Variants in RIC1 observed in about 807,000 individuals in gnomAD.
RIC1 encodes RIC1 partner of RAB6A GEF complex.
Under a neutral mutation model 169.0 loss-of-function variants are expected in RIC1, and 88 were observed. The ratio of observed to expected loss-of-function variants is 0.52; its 90% confidence interval spans 0.44 to 0.62. RIC1 has a LOEUF of 0.62. Among genes scored for constraint, RIC1 ranks in the 20% least tolerant of loss-of-function variants. The pLI is 0.00. For missense variants in RIC1, 1,877 were observed against 1,725.5 expected, an observed-to-expected ratio of 1.09 and a Z score of -1.56; for synonymous variants, 790 against 601.5, an observed-to-expected ratio of 1.31 and a Z score of -4.59.
intron 2 of RIC1, among the ~76,000 whole-genome samples, chr9:5,669,376 G>T: frequency 6.6e-6 from 1 of 152,214 alleles, no homozygotes. Context: ...GAGTGAGAAC[G>T]TAGGATGTTT....
At chr9:5,635,580 A>G (rs1335939236) in intron 1 of RIC1, among the ~76,000 whole-genome samples, 2 of 152,164 alleles carry the variant, frequency 1.3e-5, no homozygotes, top group Non-Finnish European at 2.9e-5. Flanking sequence ...TTTGATTACT[A>G]TAGCTTTGTA....
intron 2 of RIC1, among the ~76,000 whole-genome samples, chr9:5,684,928 G>T (rs1821119330): frequency 6.6e-6 from 1 of 151,806 alleles, no homozygotes; most frequent in Admixed American, 6.6e-5. Context: ...GACTGTCATG[G>T]TTTTCCTTTT....
rs1826414243 is a variant in RIC1 at position 5,762,580 on chromosome 9, C to CAGCT, written c.2033_2036dup (p.Ile680AlafsTer19). ...GAGCATTATGTTAAACCTGGCAGGA[C>CAGCT]AGCTCATCATGATGCAGAGGGACAG... On this transcript the variant is annotated frameshift_variant, in exon 18 of 26. Transcript: ENST00000414202. LOFTEE classifies it high-confidence loss of function. The CAGCT allele has an allele frequency of 6.2e-7, 1 of 1,613,860 alleles. No homozygotes were observed. Among genetic ancestry groups the CAGCT allele is most frequent in the South Asian group, 1.1e-5 (1 of 91,080 alleles).
At chr9:5,742,722 C>G in intron 8 of RIC1, 147 bp from the exon 9 acceptor site, 1 of 720,886 alleles carries the variant, frequency 1.4e-6, no homozygotes, top group Non-Finnish European at 2.2e-6. Flanking sequence ...TTAAGTAGTC[C>G]TAAATGACCA....
chr9:5,699,847 A>T (rs1018800715), intron 3 of RIC1, among the ~76,000 whole-genome samples: 4 of 152,188 alleles, frequency 2.6e-5, no homozygotes, highest in Admixed American at 6.5e-5. Context: ...ACTTTAAAGC[A>T]TATCTGAAAG....
chr9:5,754,973 A>C (rs761643582), intron 15 of RIC1, 43 bp downstream of exon 15: 3 of 1,244,570 alleles, frequency 2.4e-6, no homozygotes, highest in Non-Finnish European at 3.4e-6. Flanking sequence ...TATATTTTAA[A>C]GCTATTAAGC....
intron 6 of RIC1, among the ~76,000 whole-genome samples, chr9:5,727,903 A>G (rs955888055): frequency 2.0e-5 from 3 of 152,174 alleles, no homozygotes; most frequent in African/African-American, 7.2e-5. Flanking sequence ...TTCTTCTGGA[A>G]GGTTCATCTT....
At position 5,774,338 on chromosome 9, in the gene RIC1, C is replaced by G. The variant is rs1827457875; in HGVS notation, c.*92C>G. On this transcript the variant is annotated 3_prime_UTR_variant, in exon 26 of 26. Coordinates refer to ENST00000414202, the MANE Select transcript of RIC1 (RefSeq NM_020829.4). ...ATAGTTGGATGATTTAACAGGAGAA[C>G]TCAGTTCAGAGACTCTTCGGTAAGT... The G allele has an allele frequency of 6.1e-6, 7 of 1,140,414 alleles. No homozygotes were observed. The highest frequency in any genetic ancestry group is 1.5e-5 in the African/African-American group (1 of 65,298). The allele number at this position is 1,140,414 out of a possible 1,614,324, so 70.6% of individuals were successfully genotyped here.
chr9:5,750,784 C>T (rs373696967), intron 12 of RIC1, among the ~76,000 whole-genome samples: 1 of 151,574 alleles, frequency 6.6e-6, no homozygotes, highest in Non-Finnish European at 1.5e-5. Context: ...CACTGATCAG[C>T]TGCCTCTTCC....
chr9:5,743,644 T>C (rs751889854), intron 9 of RIC1, 45 bp from the exon 10 acceptor site: 1 of 1,440,852 alleles, frequency 6.9e-7, no homozygotes. Context: ...GTGTATTATA[T>C]GTAATTGGAA....
At chr9:5,655,482 G>A (rs942871068) in intron 1 of RIC1, among the ~76,000 whole-genome samples, 5 of 152,110 alleles carry the variant, frequency 3.3e-5, no homozygotes, top group South Asian at 4.2e-4. Context: ...TGTATTTTTA[G>A]TAGAGATGGG....
intron 2 of RIC1, among the ~76,000 whole-genome samples, chr9:5,657,562 A>G (rs1029152855): frequency 6.6e-6 from 1 of 152,134 alleles, no homozygotes; most frequent in Non-Finnish European, 1.5e-5. Flanking sequence ...CGTAGTGTAT[A>G]TTAGAGAGAT....
chr9:5,756,460 C>G, intron 16 of RIC1, 88 bp downstream of exon 16: 3 of 861,868 alleles, frequency 3.5e-6, no homozygotes, highest in African/African-American at 1.7e-5. Flanking sequence ...AACAGTTATT[C>G]CACTTTTATA....
At chr9:5,700,753 G>A (rs1021578532) in intron 3 of RIC1, among the ~76,000 whole-genome samples, 1 of 152,164 alleles carries the variant, frequency 6.6e-6, no homozygotes, top group African/African-American at 2.4e-5. Flanking sequence ...AACAAAGCTT[G>A]TGGGAAAATC....
intron 6 of RIC1, among the ~76,000 whole-genome samples, chr9:5,731,430 T>C (rs1824365745): frequency 6.6e-6 from 1 of 152,178 alleles, no homozygotes; most frequent in Non-Finnish European, 1.5e-5. Flanking sequence ...TAGCTGATTG[T>C]GGAATTAAAT....
At chr9:5,771,253 T>C (rs773633906) in intron 23 of RIC1, among the ~76,000 whole-genome samples, 2 of 152,172 alleles carry the variant, frequency 1.3e-5, no homozygotes, top group Admixed American at 6.6e-5. Flanking sequence ...GCAACCACCA[T>C]TTTATTTTTT....
At chr9:5,704,987 T>C (rs1312042816) in intron 3 of RIC1, among the ~76,000 whole-genome samples, 1 of 152,202 alleles carries the variant, frequency 6.6e-6, no homozygotes, top group Admixed American at 6.5e-5. Flanking sequence ...TACAGGTTTA[T>C]TATTAGGCTC....
chr9:5,645,938 T>C (rs940067508), intron 1 of RIC1, among the ~76,000 whole-genome samples: 2 of 148,854 alleles, frequency 1.3e-5, no homozygotes, highest in African/African-American at 5.0e-5. Flanking sequence ...TTTCATTTGG[T>C]TATTCTATAG....
intron 6 of RIC1, among the ~76,000 whole-genome samples, chr9:5,722,348 A>AGAGAGAGTGTGTGT (rs374028302): frequency 1.2e-4 from 16 of 131,336 alleles, no homozygotes; most frequent in South Asian, 8.0e-4. Flanking sequence ...AGAGAGAGAG[A>AGAGAGAGTGTGTGT]GTGTGTGTGT....
Sources: gnomAD v4.1 joint callset for allele counts (sites outside exome capture counted in the v4.1 genomes callset) on GRCh38, gnomAD v4.1.1 for gene constraint, MANE v1.5 for transcripts, NCBI Gene and HGNC (gene_info 2026-07-23, HGNC 2026-07-21) for gene names.